The following VPS26A variants were observed in gnomAD, a reference collection of about 807,000 sequenced individuals.
VPS26A encodes the protein vacuolar protein sorting-associated protein 26A.
Under a neutral mutation model 42.4 loss-of-function variants are expected in VPS26A, and 22 were observed. That is an observed-to-expected ratio of 0.52 (90% CI 0.37 to 0.74). The LOEUF is 0.74. VPS26A is among the 30% of genes least tolerant of loss of function. The probability of loss-of-function intolerance (pLI) is 0.00; values close to 1 mark genes in which losing one functional copy is unlikely to be tolerated. For synonymous variants in VPS26A, 110 were observed against 123.5 expected (o/e 0.89, Z 0.73); for missense variants, 276 against 379.2 (o/e 0.73, Z 2.26).
chr10:69,130,531 G>A (rs1345335072), intron 1 of VPS26A, among the ~76,000 whole-genome samples: 1 of 152,214 alleles, frequency 6.6e-6, no homozygotes, highest in East Asian at 1.9e-4. Flanking sequence ...TACATTGTGT[G>A]TGTGTCTGTT....
chr10:69,171,285 AAAAG>A lies in VPS26A; in HGVS notation c.*20_*23del, dbSNP rs773116136. ...TGAAATGTGAACTGAACAGGAGAAAAAAAGAAAAGCAAAAAACTCCTGTAACCCT... is the reference window on the plus strand; with the variant it reads ...TGAAATGTGAACTGAACAGGAGAAAAAAAAGCAAAAAACTCCTGTAACCCT... On this transcript the variant is annotated 3_prime_UTR_variant, in exon 9 of 9. Coordinates refer to ENST00000263559, the MANE Select transcript of VPS26A (RefSeq NM_004896.5). 2 of 1,598,198 alleles carry A rather than the reference AAAAG, an allele frequency of 1.3e-6. No homozygotes were observed. Among genetic ancestry groups the A allele is most frequent in the East Asian group, 4.5e-5 (2 of 44,664 alleles).
At position 69,171,677 on chromosome 10, in the gene VPS26A, C is replaced by T. The variant is rs1257470267; in HGVS notation, c.*408C>T. ...ATGATTACCTCTTATTCTCTACATGCAAAAAATTAAATATTTTGTGTTCAA... is the reference window on the plus strand; with the variant it reads ...ATGATTACCTCTTATTCTCTACATGTAAAAAATTAAATATTTTGTGTTCAA... On this transcript the variant is annotated 3_prime_UTR_variant, in exon 9 of 9. Transcript: ENST00000263559. 6.5e-6 allele frequency: 1 copy of T among 153,708 alleles called. No homozygotes were observed. Among genetic ancestry groups the T allele is most frequent in the African/African-American group, 2.4e-5 (1 of 41,396 alleles). The allele number at this position is 153,708 out of a possible 1,614,324, so 9.5% of individuals were successfully genotyped here. A position where few individuals can be genotyped will look rare whatever the true frequency, so the allele number is the denominator to read the frequency against.
chr10:69,147,850 C>T (rs577889663), intron 2 of VPS26A, among the ~76,000 whole-genome samples: 2 of 152,218 alleles, frequency 1.3e-5, no homozygotes, highest in Admixed American at 1.3e-4. Flanking sequence ...GTAGCTTGGA[C>T]CACAGGCATG....
chr10:69,125,643 G>A (rs1329200876), intron 1 of VPS26A, among the ~76,000 whole-genome samples: 1 of 152,152 alleles, frequency 6.6e-6, no homozygotes, highest in Non-Finnish European at 1.5e-5. Flanking sequence ...ATGTTCAAGA[G>A]CAGTTTATAT....
chr10:69,154,187 T>C (rs1841379068), intron 2 of VPS26A, among the ~76,000 whole-genome samples: 1 of 152,198 alleles, frequency 6.6e-6, no homozygotes, highest in East Asian at 1.9e-4. Context: ...AAACAACCTA[T>C]ATGACCATAC....
chr10:69,149,975 C>A (rs1329876582), intron 2 of VPS26A, among the ~76,000 whole-genome samples: 1 of 151,510 alleles, frequency 6.6e-6, no homozygotes, highest in Non-Finnish European at 1.5e-5. Context: ...TAACTCCTGA[C>A]CTCAAGTGAT....
At chr10:69,138,591 A>G (rs940060860) in intron 2 of VPS26A, among the ~76,000 whole-genome samples, 1 of 152,210 alleles carries the variant, frequency 6.6e-6, no homozygotes, top group Admixed American at 6.5e-5. Flanking sequence ...AGTGTTGGAC[A>G]TTATTTCTAG....
chr10:69,157,266 A>G, intron 4 of VPS26A, 103 bp downstream of exon 4: 1 of 1,408,668 alleles, frequency 7.1e-7, no homozygotes, highest in East Asian at 2.4e-5. Flanking sequence ...GTATTGGAAG[A>G]TTTAAGATTT....
chr10:69,151,276 A>AAAAAAGAAAAAAAAC (rs1841305435), intron 2 of VPS26A, among the ~76,000 whole-genome samples: 1 of 69,030 alleles, frequency 1.4e-5, no homozygotes, highest in African/African-American at 4.0e-5. Context: ...AAAAAAAAAA[A>AAAAAAGAAAAAAAAC]AAAAAAACAC....
At chr10:69,162,642 G>GT in intron 6 of VPS26A, 130 bp downstream of exon 6, 1 of 500,284 alleles carries the variant, frequency 2.0e-6, no homozygotes, top group Non-Finnish European at 3.4e-6. Flanking sequence ...ATTGCTGGCA[G>GT]TAAGTTATTT....
intron 2 of VPS26A, among the ~76,000 whole-genome samples, chr10:69,134,957 C>G (rs1351291445): frequency 1.3e-5 from 2 of 151,468 alleles, no homozygotes; most frequent in African/African-American, 4.9e-5. Context: ...AGAAAAAGGC[C>G]TAAAGAAGAG....
chr10:69,174,088 G>A lies in VPS26A; in HGVS notation c.*2819G>A, dbSNP rs1841879282. Among the ~76,000 whole-genome samples the A allele has an allele frequency of 6.6e-6, 1 of 152,204 alleles. No individual in the cohort carries two copies. Among genetic ancestry groups the A allele is most frequent in the Non-Finnish European group, 1.5e-5 (1 of 68,044 alleles). On this transcript the variant is annotated 3_prime_UTR_variant, in exon 9 of 9. Transcript: ENST00000263559. The stretch of plus-strand genomic sequence containing the variant: ...CACCCCCCAGCCAGCAGCGGCAACC[G>A]GCTCGGGTCCCCCTCCATACTGTGG...
At chr10:69,133,542 G>A (rs893949128) in intron 2 of VPS26A, 32 of 1,288,018 alleles carry the variant, frequency 2.5e-5, no homozygotes, top group Non-Finnish European at 3.1e-5. Context: ...GTACTCTGTA[G>A]AGGACTTGAG....
At chr10:69,153,142 C>T (rs1220648364) in intron 2 of VPS26A, among the ~76,000 whole-genome samples, 4 of 151,522 alleles carry the variant, frequency 2.6e-5, no homozygotes, top group Non-Finnish European at 5.9e-5. Flanking sequence ...CTCCGCCCCC[C>T]GGGTTCAAGT....
At chr10:69,163,891 G>A (rs1841620472) in intron 6 of VPS26A, among the ~76,000 whole-genome samples, 1 of 148,620 alleles carries the variant, frequency 6.7e-6, no homozygotes, top group African/African-American at 2.5e-5. Flanking sequence ...TCAGCCTCCC[G>A]AGTAGCTGGG....
intron 4 of VPS26A, among the ~76,000 whole-genome samples, chr10:69,157,460 G>C (rs770841627): frequency 6.6e-6 from 1 of 152,140 alleles, no homozygotes; most frequent in Non-Finnish European, 1.5e-5. Context: ...TAGTTTCCCA[G>C]AAAATCTCCT....
At chr10:69,161,653 G>C in intron 5 of VPS26A, 2 of 334,730 alleles carry the variant, frequency 6.0e-6, no homozygotes, top group South Asian at 5.7e-5. Context: ...GTTTTATAGA[G>C]GCTTACCCAT....
chr10:69,130,058 T>TA (rs2132184309), intron 1 of VPS26A, among the ~76,000 whole-genome samples: 1 of 152,354 alleles, frequency 6.6e-6, no homozygotes, highest in Admixed American at 6.5e-5. Context: ...TATAGTTTGC[T>TA]ACTATACCAA....
intron 5 of VPS26A, among the ~76,000 whole-genome samples, chr10:69,160,234 A>T (rs998780495): frequency 7.3e-5 from 11 of 151,686 alleles, no homozygotes; most frequent in Non-Finnish European, 2.9e-5. Flanking sequence ...ATCTCGGCTC[A>T]CTGCAACCTC....
Sources: gnomAD v4.1 joint callset for allele counts (sites outside exome capture counted in the v4.1 genomes callset) on GRCh38, gnomAD v4.1.1 for gene constraint, MANE v1.5 for transcripts, NCBI Gene and HGNC (gene_info 2026-07-23, HGNC 2026-07-21) for gene names.